The following TMEM132D variants were observed in gnomAD, a reference collection of about 807,000 sequenced individuals.
TMEM132D encodes the protein transmembrane protein 132D, also known as mature OL transmembrane protein.
TMEM132D carries 21 observed loss-of-function variants against 62.3 expected under a neutral mutation model. That is an observed-to-expected ratio of 0.34 (90% CI 0.24 to 0.49). The LOEUF is 0.49. Ranked by LOEUF, TMEM132D falls within the 20% of genes least tolerant of loss-of-function variation. The pLI is 0.99. For missense variants in TMEM132D, 1,346 were observed against 1,402.8 expected (o/e 0.96, Z 0.65); for synonymous variants, 621 against 575.6 (o/e 1.08, Z -1.13).
intron 1 of TMEM132D, among the ~76,000 whole-genome samples, chr12:129,869,302 AT>A (rs1453106759): frequency 6.6e-6 from 1 of 152,050 alleles, no homozygotes; most frequent in Non-Finnish European, 1.5e-5. Context: ...AATTACCTGC[AT>A]TTTCAGCTTC....
At chr12:129,838,868 C>T (rs1413135582) in intron 1 of TMEM132D, among the ~76,000 whole-genome samples, 1 of 151,970 alleles carries the variant, frequency 6.6e-6, no homozygotes, top group Admixed American at 6.6e-5. Context: ...TGATATTCCA[C>T]ACACTGCTAT....
chr12:129,737,468 G>A (rs1449375236), intron 1 of TMEM132D, among the ~76,000 whole-genome samples: 1 of 152,086 alleles, frequency 6.6e-6, no homozygotes, highest in Non-Finnish European at 1.5e-5. Flanking sequence ...GGAATCTCCA[G>A]GCTTGCATTC....
intron 2 of TMEM132D, among the ~76,000 whole-genome samples, chr12:129,606,201 T>C (rs1355552936): frequency 2.0e-5 from 3 of 152,290 alleles, no homozygotes; most frequent in South Asian, 2.1e-4. Flanking sequence ...CTAGCTGTGA[T>C]AGTCTTCGGG....
chr12:129,571,519 C>G (rs1877513477), intron 2 of TMEM132D, among the ~76,000 whole-genome samples: 1 of 152,068 alleles, frequency 6.6e-6, no homozygotes, highest in Non-Finnish European at 1.5e-5. Flanking sequence ...TTGCAGTGAG[C>G]TGAGACCACT....
At chr12:129,850,121 TGAG>T (rs1231312309) in intron 1 of TMEM132D, among the ~76,000 whole-genome samples, 1 of 152,212 alleles carries the variant, frequency 6.6e-6, no homozygotes, top group Non-Finnish European at 1.5e-5. Flanking sequence ...GTGGGAGAGC[TGAG>T]GAAGCGAAAG....
chr12:129,461,150 T>G (rs1229375027), intron 3 of TMEM132D, among the ~76,000 whole-genome samples: 1 of 152,086 alleles, frequency 6.6e-6, no homozygotes, highest in Non-Finnish European at 1.5e-5. Flanking sequence ...AGAGTAGAGG[T>G]GCAGAAGGAA....
chr12:129,525,401 G>A (rs1057374560), intron 3 of TMEM132D, among the ~76,000 whole-genome samples: 1 of 151,866 alleles, frequency 6.6e-6, no homozygotes, highest in Non-Finnish European at 1.5e-5. Flanking sequence ...GGGAAACTTT[G>A]TTATCATTGA....
chr12:129,105,513 T>A (rs1242328362), intron 5 of TMEM132D, among the ~76,000 whole-genome samples: 1 of 142,620 alleles, frequency 7.0e-6, no homozygotes, highest in Non-Finnish European at 1.5e-5. Context: ...CTGCACAATG[T>A]GCACATGTAC....
chr12:129,894,003 G>A (rs1367752064), intron 1 of TMEM132D, among the ~76,000 whole-genome samples: 1 of 152,180 alleles, frequency 6.6e-6, no homozygotes, highest in Non-Finnish European at 1.5e-5. Flanking sequence ...ATCCCCACCA[G>A]CATCAGATGA....
At chr12:129,688,252 G>A (rs550813611) in intron 2 of TMEM132D, among the ~76,000 whole-genome samples, 8 of 152,180 alleles carry the variant, frequency 5.3e-5, no homozygotes, top group African/African-American at 1.7e-4. Context: ...AGTTTAAATA[G>A]TTTATTTAAA....
At chr12:129,327,046 C>A (rs1177955854) in intron 4 of TMEM132D, among the ~76,000 whole-genome samples, 1 of 152,134 alleles carries the variant, frequency 6.6e-6, no homozygotes. Flanking sequence ...AACATCATAA[C>A]CGGCAGTGCT....
chr12:129,176,550 G>A (rs572802355), intron 5 of TMEM132D, among the ~76,000 whole-genome samples: 5 of 152,336 alleles, frequency 3.3e-5, no homozygotes, highest in African/African-American at 1.2e-4. Flanking sequence ...CTCTGATCTA[G>A]GGAGGGGACT....
At chr12:129,749,363 G>A (rs11060533) in intron 1 of TMEM132D, among the ~76,000 whole-genome samples, 38,441 of 152,114 alleles carry the variant, frequency 0.25, 5,617 homozygotes, top group East Asian at 0.37. Flanking sequence ...CTTCAGAGAA[G>A]TAAAACTTTC....
At chr12:129,719,846 G>A (rs1168422007) in intron 1 of TMEM132D, among the ~76,000 whole-genome samples, 1 of 152,140 alleles carries the variant, frequency 6.6e-6, no homozygotes, top group Non-Finnish European at 1.5e-5. Flanking sequence ...CTAAGCTTAG[G>A]AGAGTCTCTT....
At chr12:129,095,373 G>A (rs4964850) in intron 5 of TMEM132D, among the ~76,000 whole-genome samples, 37,682 of 123,970 alleles carry the variant, frequency 0.3, 6,128 homozygotes, top group East Asian at 0.48. Context: ...TTTTTGAGAC[G>A]GAGTCTCACT....
chr12:129,758,389 T>C (rs936597111), intron 1 of TMEM132D, among the ~76,000 whole-genome samples: 9 of 152,314 alleles, frequency 5.9e-5, no homozygotes, highest in Non-Finnish European at 1.2e-4. Flanking sequence ...ATCCGGATTA[T>C]AGCAGATTTC....
chr12:129,755,101 C>T (rs1870122312), intron 1 of TMEM132D, among the ~76,000 whole-genome samples: 3 of 152,330 alleles, frequency 2.0e-5, no homozygotes, highest in South Asian at 2.1e-4. Flanking sequence ...CTGTGTTTGA[C>T]TTTGCTATTT....
At chr12:129,105,400 G>T (rs1230142340) in intron 5 of TMEM132D, among the ~76,000 whole-genome samples, 1 of 111,048 alleles carries the variant, frequency 9.0e-6, no homozygotes, top group Non-Finnish European at 1.8e-5. Context: ...TTGTGGGGTG[G>T]GGGGAGGGGG....
intron 3 of TMEM132D, among the ~76,000 whole-genome samples, chr12:129,349,705 TG>T (rs1484505271): frequency 1.3e-5 from 2 of 152,210 alleles, no homozygotes; most frequent in Non-Finnish European, 2.9e-5. Flanking sequence ...CATGCTCCCA[TG>T]TAAAGAGTTT....
Sources: allele counts gnomAD v4.1 joint callset (sites outside exome capture counted in the v4.1 genomes callset), GRCh38; gene constraint gnomAD v4.1.1; transcripts MANE v1.5; gene names NCBI Gene and HGNC (gene_info 2026-07-23, HGNC 2026-07-21).